Variants in SPIN1 observed in about 807,000 individuals in gnomAD.
SPIN1 encodes spindlin-1.
A neutral mutation model predicts 26.0 loss-of-function variants in SPIN1; 3 were observed. The observed-to-expected ratio is 0.12, with a 90% confidence interval of 0.05 to 0.30. The LOEUF (loss-of-function observed/expected upper bound fraction) is 0.30. SPIN1 is among the 10% of genes least tolerant of loss of function. The probability of loss-of-function intolerance (pLI) is 1.00; values close to 1 mark genes in which losing one functional copy is unlikely to be tolerated. For synonymous variants in SPIN1, 101 were observed against 116.5 expected, an observed-to-expected ratio of 0.87 and a Z score of 0.86; for missense variants, 126 against 333.4, an observed-to-expected ratio of 0.38 and a Z score of 4.84.
chr9:88,425,917 C>T (rs1827756235), intron 1 of SPIN1, among the ~76,000 whole-genome samples: 1 of 152,102 alleles, frequency 6.6e-6, no homozygotes, highest in Non-Finnish European at 1.5e-5. Context: ...CTGTGCTGCC[C>T]CCGTGCTGTC....
intron 2 of SPIN1, among the ~76,000 whole-genome samples, chr9:88,440,577 C>T (rs1828100476): frequency 6.6e-6 from 1 of 151,914 alleles, no homozygotes; most frequent in South Asian, 2.1e-4. Context: ...CGCTTCCTTT[C>T]TACCCTTTTT....
intron 1 of SPIN1, among the ~76,000 whole-genome samples, chr9:88,414,741 G>A (rs562138812): frequency 3.3e-5 from 5 of 152,262 alleles, no homozygotes; most frequent in South Asian, 4.1e-4. Context: ...TTTGTTGCAC[G>A]CATTCATGAT....
At chr9:88,428,655 T>TA (rs1827806193) in intron 2 of SPIN1, among the ~76,000 whole-genome samples, 1 of 152,346 alleles carries the variant, frequency 6.6e-6, no homozygotes, top group South Asian at 2.1e-4. Flanking sequence ...TTATTTTTTT[T>TA]AAAGGGTGAG....
chr9:88,457,863 TTTC>T (rs1828501076), intron 3 of SPIN1: 1 of 984,700 alleles, frequency 1.0e-6, no homozygotes, highest in South Asian at 4.7e-5. Flanking sequence ...CCAAAAAACC[TTTC>T]TTGTTTCTAA....
In SPIN1 at chr9:88,465,745, T is replaced by G. The variant is rs551976475; in HGVS notation, c.356-2627T>G. Among the ~76,000 whole-genome samples, 84 of 152,344 alleles carry G rather than the reference T, an allele frequency of 5.5e-4. 1 individual carries two copies. The South Asian group carries it at 0.017, about 31-fold the overall frequency. On this transcript the variant is annotated intron_variant, in intron 4 of 5. Transcript: ENST00000375859. ...TTATTAATGGTTTCAGATTCTGCATTGTAACTAACCTTTAAGGAGCTAACT... is the reference window on the plus strand; with the variant it reads ...TTATTAATGGTTTCAGATTCTGCATGGTAACTAACCTTTAAGGAGCTAACT...
chr9:88,429,383 G>A (rs1278916510), intron 2 of SPIN1, among the ~76,000 whole-genome samples: 1 of 152,160 alleles, frequency 6.6e-6, no homozygotes, highest in Non-Finnish European at 1.5e-5. Flanking sequence ...TCTGATGCCA[G>A]TTCAGATGCA....
intron 1 of SPIN1, chr9:88,416,783 C>T (rs2117984389): frequency 6.6e-6 from 1 of 152,316 alleles, no homozygotes; most frequent in Non-Finnish European, 1.5e-5. Context: ...GCCACCACGC[C>T]TAGCTAATTT....
Position 88,444,682 on chromosome 9 carries a change from T to C in SPIN1, c.53-4259T>C, listed in dbSNP as rs1310469478. ...ATTCTTTGATGATGAATGGTTTACC[T>C]TTTCTTTTCTTTTTTTTTTTTTTTT... On this transcript the variant is annotated intron_variant, in intron 2 of 5. Transcript: ENST00000375859. Among the ~76,000 whole-genome samples the C allele has an allele frequency of 6.2e-5, 9 of 144,852 alleles. No individual in the cohort carries two copies. In the South Asian group the frequency reaches 1.3e-3, roughly 21 times the overall value.
intron 5 of SPIN1, among the ~76,000 whole-genome samples, chr9:88,473,837 T>C (rs1828839981): frequency 6.6e-6 from 1 of 152,228 alleles, no homozygotes; most frequent in Non-Finnish European, 1.5e-5. Flanking sequence ...GTAATTCTTT[T>C]GTAAACGTGC....
chr9:88,392,388 C>T (rs1753796253), intron 1 of SPIN1, among the ~76,000 whole-genome samples: 1 of 152,082 alleles, frequency 6.6e-6, no homozygotes, highest in African/African-American at 2.4e-5. Context: ...AGGAGATACA[C>T]ATGCATATAA....
At chr9:88,405,019 A>G (rs1475904964) in intron 1 of SPIN1, among the ~76,000 whole-genome samples, 4 of 152,092 alleles carry the variant, frequency 2.6e-5, no homozygotes, top group Middle Eastern at 3.4e-3. Context: ...TTCAGGTGCA[A>G]TAACACATAT....
chr9:88,436,024 G>C (rs1315015861), intron 2 of SPIN1, among the ~76,000 whole-genome samples: 1 of 152,122 alleles, frequency 6.6e-6, no homozygotes, highest in African/African-American at 2.4e-5. Flanking sequence ...ATTTACCCAG[G>C]TACGAAGTTC....
intron 5 of SPIN1, among the ~76,000 whole-genome samples, chr9:88,473,663 A>ATGTGTGTGTG (rs758536638): frequency 0.014 from 2,159 of 151,606 alleles, 55 homozygotes; most frequent in African/African-American, 0.046. Context: ...GTGTGTGTGC[A>ATGTGTGTGTG]CGCGCTATGG....
chr9:88,425,124 C>T (rs1452576705), intron 1 of SPIN1, among the ~76,000 whole-genome samples: 6 of 151,948 alleles, frequency 3.9e-5, no homozygotes, highest in South Asian at 2.1e-4. Flanking sequence ...TGCTGAAGAA[C>T]GACTTTACCT....
intron 3 of SPIN1, among the ~76,000 whole-genome samples, chr9:88,461,829 G>GA (rs1462460524): frequency 6.6e-6 from 1 of 152,050 alleles, no homozygotes; most frequent in South Asian, 2.1e-4. Context: ...TAATAAGCCA[G>GA]AAAAAAAGTA....
At chr9:88,404,943 A>G (rs916796104) in intron 1 of SPIN1, among the ~76,000 whole-genome samples, 1 of 151,498 alleles carries the variant, frequency 6.6e-6, no homozygotes, top group Non-Finnish European at 1.5e-5. Context: ...AAAAAAAAAA[A>G]CTAAGATACT....
At chr9:88,471,390 C>T (rs537321104) in intron 5 of SPIN1, among the ~76,000 whole-genome samples, 3 of 151,886 alleles carry the variant, frequency 2.0e-5, no homozygotes, top group South Asian at 2.1e-4. Flanking sequence ...ATCCTTGTTG[C>T]GCGGTGGCTC....
At chr9:88,408,365 T>C (rs1429064041) in intron 1 of SPIN1, among the ~76,000 whole-genome samples, 3 of 140,882 alleles carry the variant, frequency 2.1e-5, no homozygotes, top group African/African-American at 6.0e-5. Context: ...GGTTTTTCTT[T>C]TCCTTTTTTT....
At chr9:88,441,036 A>G (rs1828113471) in intron 2 of SPIN1, among the ~76,000 whole-genome samples, 1 of 151,774 alleles carries the variant, frequency 6.6e-6, no homozygotes, top group South Asian at 2.1e-4. Flanking sequence ...GGCCCTCTGT[A>G]TCCGTGGGTT....
Sources: gnomAD v4.1 joint callset for allele counts (sites outside exome capture counted in the v4.1 genomes callset) on GRCh38, gnomAD v4.1.1 for gene constraint, MANE v1.5 for transcripts, NCBI Gene and HGNC (gene_info 2026-07-23, HGNC 2026-07-21) for gene names.